The following SPAG17 variants were observed in gnomAD, a reference collection of about 807,000 sequenced individuals.
SPAG17 encodes the protein sperm-associated antigen 17.
In SPAG17, 169 loss-of-function variants were observed where a neutral mutation model predicts 273.6. The ratio of observed to expected loss-of-function variants is 0.62; its 90% CI spans 0.55 to 0.70. The LOEUF (loss-of-function observed/expected upper bound fraction) is 0.70. Ranked by LOEUF, SPAG17 falls within the 30% of genes least tolerant of loss-of-function variation. The probability of loss-of-function intolerance (pLI) is 0.00; values close to 1 mark genes in which losing one functional copy is unlikely to be tolerated. For synonymous variants in SPAG17, 825 were observed against 873.2 expected (o/e 0.94, Z 0.97); for missense variants, 2,557 against 2,627.8 (o/e 0.97, Z 0.59).
At chr1:118,031,596 G>T in intron 25 of SPAG17, 96 bp downstream of exon 25, 3 of 1,217,016 alleles carry the variant, frequency 2.5e-6, no homozygotes, top group Non-Finnish European at 3.5e-6. Context: ...TAAAACGTAT[G>T]CACTATAATA....
intron 10 of SPAG17, among the ~76,000 whole-genome samples, chr1:118,088,139 C>T (rs1655130850): frequency 6.6e-6 from 1 of 152,168 alleles, no homozygotes; most frequent in Non-Finnish European, 1.5e-5. Context: ...AAAGATCACT[C>T]AAATCTGTTT....
At chr1:118,026,937 T>A (rs570062049) in intron 26 of SPAG17, among the ~76,000 whole-genome samples, 1 of 152,178 alleles carries the variant, frequency 6.6e-6, no homozygotes, top group African/African-American at 2.4e-5. Context: ...TTTCATAGTA[T>A]ATGGAAGATT....
chr1:117,970,454 T>G (rs1654426924), intron 45 of SPAG17, among the ~76,000 whole-genome samples: 1 of 152,204 alleles, frequency 6.6e-6, no homozygotes, highest in South Asian at 2.1e-4. Flanking sequence ...ACGCAAATGC[T>G]GGCAGCCGGG....
intron 6 of SPAG17, 134 bp from the exon 7 acceptor site, chr1:118,097,985 T>C (rs896487079): frequency 4.0e-6 from 2 of 502,426 alleles, no homozygotes; most frequent in East Asian, 3.5e-5. Flanking sequence ...GAATGTAATT[T>C]TGATAAATTT....
At chr1:118,120,555 T>C (rs914742782) in intron 3 of SPAG17, among the ~76,000 whole-genome samples, 1 of 152,238 alleles carries the variant, frequency 6.6e-6, no homozygotes, top group South Asian at 2.1e-4. Flanking sequence ...CATACATGTA[T>C]TGAATAACAA....
chr1:118,100,069 G>A (rs971862479), intron 5 of SPAG17, among the ~76,000 whole-genome samples: 3 of 152,140 alleles, frequency 2.0e-5, no homozygotes, highest in Non-Finnish European at 4.4e-5. Context: ...TGGGGCTTGT[G>A]GTCATATAAA....
At chr1:118,123,318 T>TAATTGGAAA (rs1394893180) in intron 3 of SPAG17, among the ~76,000 whole-genome samples, 2 of 152,016 alleles carry the variant, frequency 1.3e-5, no homozygotes, top group African/African-American at 4.8e-5. Context: ...CAATGAGGCA[T>TAATTGGAAA]AATTGGAAAA....
chr1:118,000,857 T>C (rs961420027), intron 32 of SPAG17, among the ~76,000 whole-genome samples: 1 of 152,196 alleles, frequency 6.6e-6, no homozygotes, highest in Non-Finnish European at 1.5e-5. Context: ...TCTGACACTA[T>C]GTTGAATAGG....
At chr1:118,005,303 A>G in intron 32 of SPAG17, 111 bp downstream of exon 32, 1 of 872,880 alleles carries the variant, frequency 1.1e-6, no homozygotes, top group Non-Finnish European at 1.7e-6. Context: ...CAGTAAGTGG[A>G]TAATTAATCC....
intron 20 of SPAG17, among the ~76,000 whole-genome samples, chr1:118,049,508 G>A (rs546929250): frequency 2.8e-4 from 42 of 152,138 alleles, no homozygotes; most frequent in Middle Eastern, 3.4e-3. Flanking sequence ...AAAAACATAC[G>A]ACAAACTCAA....
At chr1:117,962,072 T>C (rs1485425164) in intron 48 of SPAG17, 1 of 151,820 alleles carries the variant, frequency 6.6e-6, no homozygotes, top group Non-Finnish European at 1.5e-5. Flanking sequence ...CAATAATTAC[T>C]CTTATGTTAA....
At chr1:118,162,165 G>C (rs908018310) in intron 1 of SPAG17, among the ~76,000 whole-genome samples, 3 of 152,106 alleles carry the variant, frequency 2.0e-5, no homozygotes, top group Non-Finnish European at 2.9e-5. Context: ...CAATTACACA[G>C]GTACATGGAA....
chr1:117,988,259 C>A, intron 38 of SPAG17, 55 bp from the exon 39 acceptor site: 1 of 1,271,154 alleles, frequency 7.9e-7, no homozygotes, highest in South Asian at 1.5e-5. Context: ...GGGCAACACA[C>A]AATCAGTACA....
In SPAG17 at chr1:118,095,760, T is replaced by A. The variant is rs557095995; in HGVS notation, c.1011+1910A>T. Among the ~76,000 whole-genome samples, 74 of 152,272 alleles carry A rather than the reference T, an allele frequency of 4.9e-4. 1 individual carries two copies. The highest frequency in any genetic ancestry group is 4.8e-3 in the Admixed American group (74 of 15,292). On this transcript the variant is annotated intron_variant, in intron 7 of 48. Transcript: ENST00000336338. ...AGAGTTTCAAGAAAATAGGGTGGAA[T>A]GTTCATATGTTACTTGGAATGCCAA...
chr1:118,165,786 C>T (rs1660145889), intron 1 of SPAG17, among the ~76,000 whole-genome samples: 1 of 151,772 alleles, frequency 6.6e-6, no homozygotes, highest in Non-Finnish European at 1.5e-5. Flanking sequence ...GCTGGAACTA[C>T]AGGCTCCCGC....
At chr1:118,135,288 G>A (rs1658276864) in intron 3 of SPAG17, among the ~76,000 whole-genome samples, 1 of 152,042 alleles carries the variant, frequency 6.6e-6, no homozygotes. Flanking sequence ...GGTGTCATGG[G>A]AAGTGCTATG....
At chr1:118,028,232 T>G in intron 26 of SPAG17, 42 bp downstream of exon 26, 1 of 1,575,150 alleles carries the variant, frequency 6.3e-7, no homozygotes, top group Non-Finnish European at 8.6e-7. Context: ...CTACGTGACA[T>G]TTTGCTCCCT....
rs557337421 is a variant in SPAG17, at chr1:118,157,022, G to A, written c.88-5653C>T. ...GACCTCTGTTTAGCGATGTGTTGAA[G>A]CCGATTGCTCATGGCTCTTCCCAAC... On this transcript the variant is annotated intron_variant, in intron 1 of 48. Coordinates refer to ENST00000336338, the MANE Select transcript of SPAG17 (RefSeq NM_206996.4). Among the ~76,000 whole-genome samples, 87 of 152,200 alleles carry A rather than the reference G, an allele frequency of 5.7e-4. 1 individual carries two copies. The highest frequency in any genetic ancestry group is 2.0e-3 in the African/African-American group (84 of 41,546).
intron 46 of SPAG17, among the ~76,000 whole-genome samples, chr1:117,968,495 A>G (rs1001972596): frequency 6.6e-6 from 1 of 152,230 alleles, no homozygotes; most frequent in African/African-American, 2.4e-5. Flanking sequence ...GAGAGTACTC[A>G]TGAATTAGTG....
Sources: gnomAD v4.1 joint callset for allele counts (sites outside exome capture counted in the v4.1 genomes callset) on GRCh38, gnomAD v4.1.1 for gene constraint, MANE v1.5 for transcripts, NCBI Gene and HGNC (gene_info 2026-07-23, HGNC 2026-07-21) for gene names.